The following PRKG1 variants were observed in gnomAD, a reference collection of about 807,000 sequenced individuals.
PRKG1 encodes protein kinase cGMP-dependent 1.
A neutral mutation model predicts 88.1 loss-of-function variants in PRKG1; 35 were observed. The observed-to-expected ratio is 0.40, with a 90% CI of 0.30 to 0.53. PRKG1 has a LOEUF of 0.53. PRKG1 is among the 20% of genes least tolerant of loss of function. The pLI is 0.59. For missense variants in PRKG1, 540 were observed against 839.8 expected (o/e 0.64, Z 4.41); for synonymous variants, 303 against 292.5 (o/e 1.04, Z -0.37).
chr10:51,107,527 C>A (rs1471144435), intron 1 of PRKG1, among the ~76,000 whole-genome samples: 8 of 151,912 alleles, frequency 5.3e-5, no homozygotes, highest in Admixed American at 3.9e-4. Context: ...AAAGTTAGTT[C>A]TTTGATAGGA....
chr10:51,907,348 C>CT (rs1842107053), intron 4 of PRKG1, among the ~76,000 whole-genome samples, 159 bp from the exon 5 acceptor site: 1 of 145,060 alleles, frequency 6.9e-6, no homozygotes, highest in Non-Finnish European at 1.5e-5. Context: ...CAACTTTGTT[C>CT]TTTTTTTTCA....
chr10:52,235,195 C>A (rs1466790708), intron 9 of PRKG1, among the ~76,000 whole-genome samples: 385 of 77,516 alleles, frequency 5.0e-3, no homozygotes, highest in East Asian at 7.5e-3. Flanking sequence ...CAACCGGTAC[C>A]AGCCGCTGCA....
chr10:51,817,347 A>AACCCCCC (rs1564659070), intron 4 of PRKG1, among the ~76,000 whole-genome samples: 5 of 129,590 alleles, frequency 3.9e-5, no homozygotes, highest in Admixed American at 8.5e-5. Flanking sequence ...TCCCTCCCCA[A>AACCCCCC]CCCCCCCCCT....
intron 3 of PRKG1, among the ~76,000 whole-genome samples, chr10:51,573,211 A>G (rs1199644743): frequency 6.6e-6 from 1 of 151,832 alleles, no homozygotes; most frequent in African/African-American, 2.4e-5. Context: ...TGGTAAACAG[A>G]GCCCCAGCCA....
intron 5 of PRKG1, among the ~76,000 whole-genome samples, chr10:51,919,571 C>T (rs1842418305): frequency 1.3e-5 from 2 of 151,544 alleles, no homozygotes; most frequent in Admixed American, 6.6e-5. Context: ...AATCAGTTTA[C>T]ATTACAGATG....
chr10:51,659,551 A>ATGAG (rs1220205143), intron 3 of PRKG1, among the ~76,000 whole-genome samples: 2 of 152,110 alleles, frequency 1.3e-5, no homozygotes. Context: ...CATTGGAAAT[A>ATGAG]TGAGACTAAA....
intron 4 of PRKG1, among the ~76,000 whole-genome samples, chr10:51,866,857 A>G (rs921889509): frequency 6.6e-6 from 1 of 152,230 alleles, no homozygotes; most frequent in Admixed American, 6.5e-5. Flanking sequence ...ATACAGGTTT[A>G]CAAAGATGGA....
intron 1 of PRKG1, among the ~76,000 whole-genome samples, chr10:51,107,034 T>C (rs74131737): frequency 0.028 from 4,332 of 152,040 alleles, 156 homozygotes; most frequent in African/African-American, 0.081. Flanking sequence ...AATGATTGAG[T>C]GGGGTAAGAG....
At chr10:51,515,518 A>G (rs554441884) in intron 3 of PRKG1, among the ~76,000 whole-genome samples, 2 of 152,232 alleles carry the variant, frequency 1.3e-5, no homozygotes, top group South Asian at 2.1e-4. Context: ...GCTCATTTGT[A>G]TGAAATTAGC....
chr10:51,743,690 T>TAAAATAAA (rs1229181162), intron 3 of PRKG1, among the ~76,000 whole-genome samples: 1 of 124,616 alleles, frequency 8.0e-6, no homozygotes, highest in African/African-American at 3.1e-5. Context: ...ATATAATTTA[T>TAAAATAAA]TATATATATA....
chr10:51,449,013 A>C (rs1839354516), intron 2 of PRKG1, among the ~76,000 whole-genome samples: 1 of 152,086 alleles, frequency 6.6e-6, no homozygotes, highest in Non-Finnish European at 1.5e-5. Flanking sequence ...ACATTGCAGA[A>C]AGAAAAATAT....
rs948035750 is a variant in PRKG1, at chr10:52,093,726, T to G, written c.935+31095T>G. 3.3e-5 allele frequency among the ~76,000 whole-genome samples: 5 copies of G among 152,300 alleles called. No homozygotes were observed. The East Asian group carries it at 9.6e-4, about 29-fold the overall frequency. ...TATTACTTCCATTTGTTAGTGTAGGTGTTGCCTTAGTCTAGATCACAGCAA... is the reference window on the plus strand; with the variant it reads ...TATTACTTCCATTTGTTAGTGTAGGGGTTGCCTTAGTCTAGATCACAGCAA... On this transcript the variant is annotated intron_variant, in intron 7 of 17. Coordinates refer to ENST00000373980, the MANE Select transcript of PRKG1 (RefSeq NM_006258.4).
intron 3 of PRKG1, among the ~76,000 whole-genome samples, chr10:51,691,004 CA>C (rs1188519703): frequency 7.0e-6 from 1 of 143,246 alleles, no homozygotes; most frequent in Non-Finnish European, 1.5e-5. Flanking sequence ...GAGCTGTTAA[CA>C]TTTAATATCT....
intron 2 of PRKG1, among the ~76,000 whole-genome samples, chr10:51,218,530 TAAA>T (rs60498476): frequency 1.6e-5 from 1 of 62,570 alleles, no homozygotes; most frequent in Non-Finnish European, 2.8e-5. Flanking sequence ...TATATATATA[TAAA>T]ATGTGTGTAT....
chr10:51,857,756 T>A (rs543922850), intron 4 of PRKG1, among the ~76,000 whole-genome samples: 2 of 152,208 alleles, frequency 1.3e-5, no homozygotes, highest in East Asian at 1.9e-4. Context: ...TTCTTCTCAA[T>A]GTTTTTTTTC....
At chr10:51,612,906 TA>T (rs1838948155) in intron 3 of PRKG1, among the ~76,000 whole-genome samples, 1 of 152,088 alleles carries the variant, frequency 6.6e-6, no homozygotes, top group Non-Finnish European at 1.5e-5. Flanking sequence ...ATTCTGTTGA[TA>T]TAATATGTCA....
chr10:51,316,749 G>C (rs1456221463), intron 2 of PRKG1, among the ~76,000 whole-genome samples: 2 of 151,962 alleles, frequency 1.3e-5, no homozygotes, highest in African/African-American at 4.8e-5. Context: ...TATTATTACG[G>C]ACGCCTTAAA....
intron 3 of PRKG1, chr10:51,695,378 T>C (rs1176701365): frequency 1.3e-5 from 2 of 152,204 alleles, no homozygotes; most frequent in South Asian, 4.1e-4. Context: ...ATTTCATTAG[T>C]TCTGCCTTTT....
chr10:51,650,982 G>A (rs1840025030), intron 3 of PRKG1, among the ~76,000 whole-genome samples: 1 of 152,140 alleles, frequency 6.6e-6, no homozygotes, highest in African/African-American at 2.4e-5. Flanking sequence ...CAGGAGACTT[G>A]GCAATGTCTG....
Sources: gnomAD v4.1 joint callset for allele counts (sites outside exome capture counted in the v4.1 genomes callset) on GRCh38, gnomAD v4.1.1 for gene constraint, MANE v1.5 for transcripts, NCBI Gene and HGNC (gene_info 2026-07-23, HGNC 2026-07-21) for gene names.